Variants in DAGLB observed in about 807,000 individuals in gnomAD.
The protein encoded by DAGLB is diacylglycerol lipase beta.
In DAGLB, 66 loss-of-function variants were observed where a neutral mutation model predicts 72.1. The ratio of observed to expected loss-of-function variants is 0.92; its 90% CI spans 0.75 to 1.12. DAGLB has a LOEUF of 1.12. Among genes scored for constraint, DAGLB ranks in the 50% most tolerant of loss-of-function variants. DAGLB has a pLI of 0.00. For synonymous variants in DAGLB, 414 were observed against 359.5 expected, an observed-to-expected ratio of 1.15 and a Z score of -1.71; for missense variants, 1,065 against 884.9, an observed-to-expected ratio of 1.20 and a Z score of -2.58.
rs1432124060 is a variant in DAGLB, at chr7:6,421,798, G to A, written c.1147C>T (p.Leu383Phe). Residue 383 changes from leucine to phenylalanine, a missense_variant, in exon 9 of 15, where the codon CTT becomes TTT. Physicochemically the swap from Leu to Phe is conservative, Grantham distance 22. Coordinates refer to ENST00000297056, the MANE Select transcript of DAGLB (RefSeq NM_139179.4). ...VRGTMSLQDV[L>F]TDLSAESEVL... ...TCACTCTCCGCTGACAGGTCCGTAA[G>A]GACATCCTGTAAAAAGGGCGTTGCA... 1.2e-6 allele frequency: 2 copies of A among 1,612,842 alleles called. No individual in the cohort carries two copies. Among genetic ancestry groups the A allele is most frequent in the African/African-American group, 1.3e-5 (1 of 74,906 alleles).
At chr7:6,418,015 C>T (rs1353101016) in intron 9 of DAGLB, among the ~76,000 whole-genome samples, 2 of 151,988 alleles carry the variant, frequency 1.3e-5, no homozygotes, top group African/African-American at 4.8e-5. Context: ...GGATTACAGG[C>T]ATGCGCCATC....
chr7:6,411,460 A>G (rs376998283), intron 13 of DAGLB, among the ~76,000 whole-genome samples: 166 of 152,312 alleles, frequency 1.1e-3, no homozygotes, highest in African/African-American at 3.8e-3. Context: ...TGTCTCTACA[A>G]AAAATACAAA....
At chr7:6,431,891 G>A (rs1377736842) in intron 5 of DAGLB, among the ~76,000 whole-genome samples, 1 of 152,164 alleles carries the variant, frequency 6.6e-6, no homozygotes, top group African/African-American at 2.4e-5. Flanking sequence ...TACAACCAGT[G>A]GAAGCCGCCA....
chr7:6,429,845 C>G (rs1477674712), intron 6 of DAGLB, among the ~76,000 whole-genome samples: 1 of 151,972 alleles, frequency 6.6e-6, no homozygotes, highest in African/African-American at 2.4e-5. Flanking sequence ...GAGATCGAGA[C>G]CATCCTGGCT....
At chr7:6,424,339 C>T (rs1435677718) in intron 8 of DAGLB, among the ~76,000 whole-genome samples, 1 of 152,136 alleles carries the variant, frequency 6.6e-6, no homozygotes, top group African/African-American at 2.4e-5. Flanking sequence ...AAACCGGGAG[C>T]CTCCAGCGGG....
chr7:6,422,668 G>C (rs73057348), intron 8 of DAGLB: 1 of 152,506 alleles, frequency 6.6e-6, no homozygotes, highest in African/African-American at 2.4e-5. Flanking sequence ...CTGATGCGAC[G>C]GTGGAAGCTC....
intron 2 of DAGLB, among the ~76,000 whole-genome samples, chr7:6,445,194 C>A (rs1199217834): frequency 6.6e-6 from 1 of 152,160 alleles, no homozygotes; most frequent in Admixed American, 6.6e-5. Flanking sequence ...CATAGCTGCA[C>A]TATTCGTAAT....
chr7:6,431,800 A>G (rs1011554039), intron 5 of DAGLB, among the ~76,000 whole-genome samples: 1 of 152,054 alleles, frequency 6.6e-6, no homozygotes, highest in Non-Finnish European at 1.5e-5. Flanking sequence ...GATATGATGG[A>G]TGATAAAGTG....
In DAGLB at chr7:6,416,524, C is replaced by A. The variant is rs890545733; in HGVS notation, c.1427+103G>T. On this transcript the variant is annotated intron_variant, in intron 11 of 14. Transcript: ENST00000297056. ...CGCCACTGCACTCCAGCCTGGGCGA[C>A]AGAGCAAGACTTCATCTCAGGAAAA... is the stretch of plus-strand genomic sequence containing the variant. 6.7e-6 allele frequency: 10 copies of A among 1,489,398 alleles called. No individual in the cohort carries two copies. In the Admixed American group the frequency reaches 1.9e-4, roughly 28 times the overall value. The allele number at this position is 1,489,398 out of a possible 1,614,324, so 92.3% of individuals were successfully genotyped here. A position where few individuals can be genotyped will look rare whatever the true frequency, so the allele number is the denominator to read the frequency against.
chr7:6,434,344 G>A (rs114431471), intron 4 of DAGLB, among the ~76,000 whole-genome samples: 3 of 152,138 alleles, frequency 2.0e-5, no homozygotes, highest in East Asian at 1.9e-4. Context: ...AAGTAGCATC[G>A]TCGATCATTT....
chr7:6,430,133 AGACG>A (rs1388027064), intron 6 of DAGLB, among the ~76,000 whole-genome samples: 1 of 151,436 alleles, frequency 6.6e-6, no homozygotes, highest in Non-Finnish European at 1.5e-5. Context: ...TGAGCCTGGG[AGACG>A]GAGGTTGTGG....
intron 13 of DAGLB, among the ~76,000 whole-genome samples, chr7:6,411,586 A>ACTC (rs1213402244): frequency 2.0e-5 from 3 of 152,134 alleles, no homozygotes; most frequent in African/African-American, 7.2e-5. Flanking sequence ...GCGCCACTGC[A>ACTC]CTCCAGCCTG....
intron 2 of DAGLB, among the ~76,000 whole-genome samples, chr7:6,439,933 T>G (rs1784773891): frequency 6.6e-6 from 1 of 150,580 alleles, no homozygotes; most frequent in South Asian, 2.1e-4. Context: ...GCGCCTGTAA[T>G]CCCAGCTACT....
Position 6,424,115 on chromosome 7 carries a change from G to C in DAGLB, c.1140+637C>G, listed in dbSNP as rs888580545. 2.6e-5 allele frequency among the ~76,000 whole-genome samples: 4 copies of C among 152,236 alleles called. 1 individual carries two copies. In the South Asian group the frequency reaches 6.2e-4, roughly 24 times the overall value. ...GAGTCTCAACTCATTTTCTGGGTCA[G>C]CAGAGAAGAACGGGAAGTGAGACTG... is the stretch of plus-strand genomic sequence containing the variant. On this transcript the variant is annotated intron_variant, in intron 8 of 14. Coordinates refer to ENST00000297056, the MANE Select transcript of DAGLB (RefSeq NM_139179.4).
intron 7 of DAGLB, among the ~76,000 whole-genome samples, chr7:6,425,279 C>CT (rs904304611): frequency 2.0e-4 from 30 of 149,242 alleles, no homozygotes; most frequent in Admixed American, 5.4e-4. Flanking sequence ...GCACAGCTGG[C>CT]TTTTTTTTTT....
intron 13 of DAGLB, among the ~76,000 whole-genome samples, chr7:6,410,801 T>C (rs761463304): frequency 1.3e-5 from 2 of 152,092 alleles, no homozygotes; most frequent in Non-Finnish European, 2.9e-5. Context: ...GCCTCCCGAA[T>C]TCAAGCGATT....
intron 6 of DAGLB, among the ~76,000 whole-genome samples, chr7:6,428,576 T>C (rs1439386850): frequency 6.6e-6 from 1 of 150,746 alleles, no homozygotes; most frequent in Non-Finnish European, 1.5e-5. Flanking sequence ...AACCTCCAAC[T>C]CCCTGGTTCA....
At chr7:6,416,600 T>C (rs1283299852) in intron 11 of DAGLB, 27 bp downstream of exon 11, 2 of 1,571,300 alleles carry the variant, frequency 1.3e-6, no homozygotes, top group African/African-American at 2.7e-5. Context: ...AGTAGCAAGC[T>C]GTTAGAGCAG....
chr7:6,441,797 T>C (rs1418377446), intron 2 of DAGLB, among the ~76,000 whole-genome samples: 1 of 152,186 alleles, frequency 6.6e-6, no homozygotes, highest in Admixed American at 6.6e-5. Context: ...TATAAAATAC[T>C]GTTTTCAGTT....
Sources: gnomAD v4.1 joint callset for allele counts (sites outside exome capture counted in the v4.1 genomes callset) on GRCh38, gnomAD v4.1.1 for gene constraint, MANE v1.5 for transcripts, NCBI Gene and HGNC (gene_info 2026-07-23, HGNC 2026-07-21) for gene names.